The following SORCS3 variants were observed in gnomAD, a reference collection of about 807,000 sequenced individuals.
SORCS3 encodes the protein VPS10 domain-containing receptor SorCS3.
In SORCS3, 57 loss-of-function variants were observed where a neutral mutation model predicts 146.3. The ratio of observed to expected loss-of-function variants is 0.39; its 90% confidence interval spans 0.31 to 0.49. SORCS3 has a LOEUF of 0.49. Among genes scored for constraint, SORCS3 ranks in the 20% least tolerant of loss-of-function variants. The pLI is 0.92. For missense variants in SORCS3, 1,341 were observed against 1,575.5 expected (o/e 0.85, Z 2.52); for synonymous variants, 653 against 618.5 (o/e 1.06, Z -0.83).
chr10:104,928,288 C>T (rs1400188394), intron 3 of SORCS3, among the ~76,000 whole-genome samples: 2 of 152,120 alleles, frequency 1.3e-5, no homozygotes, highest in Non-Finnish European at 2.9e-5. Context: ...TGATGAGATG[C>T]CTGTGTTAAG....
At chr10:104,831,881 G>C (rs982945396) in intron 1 of SORCS3, among the ~76,000 whole-genome samples, 2 of 152,180 alleles carry the variant, frequency 1.3e-5, no homozygotes, top group African/African-American at 4.8e-5. Flanking sequence ...AGGGAATCCT[G>C]CATTCTCACT....
chr10:105,089,777 C>T lies in SORCS3; in HGVS notation c.1031C>T (p.Ser344Leu), dbSNP rs267602357. 3.7e-6 allele frequency: 6 copies of T among 1,613,764 alleles called. No individual in the cohort carries two copies. The highest frequency in any genetic ancestry group is 5.1e-6 in the Non-Finnish European group (6 of 1,179,848). Residue 344 changes from serine to leucine, a missense_variant and splice_region_variant, in exon 6 of 27, where the codon TCG becomes TTG. Coordinates refer to ENST00000369701, the MANE Select transcript of SORCS3 (RefSeq NM_014978.3). ...CTGTCTCTCCCTTCCTTTCCCAGGTCGGTGGCCGGATTGGATAAGGAGGCG... is the reference window on the plus strand; with the variant it reads ...CTGTCTCTCCCTTCCTTTCCCAGGTTGGTGGCCGGATTGGATAAGGAGGCG... ...ERITPNRFYWSVAGLDKEADL... is the reference protein window; with the variant it reads ...ERITPNRFYWLVAGLDKEADL...
intron 1 of SORCS3, among the ~76,000 whole-genome samples, chr10:104,775,628 A>G (rs1282279545): frequency 2.0e-5 from 3 of 152,194 alleles, no homozygotes; most frequent in Admixed American, 6.5e-5. Context: ...GCCGTTCTAT[A>G]AAGACAGAAT....
chr10:104,887,817 C>T (rs1589536822), intron 2 of SORCS3, among the ~76,000 whole-genome samples: 1 of 152,344 alleles, frequency 6.6e-6, no homozygotes, highest in African/African-American at 2.4e-5. Context: ...AGTTCTGTAT[C>T]TGTCATACAT....
chr10:104,981,968 G>T (rs2054934081), intron 4 of SORCS3, among the ~76,000 whole-genome samples: 1 of 152,166 alleles, frequency 6.6e-6, no homozygotes, highest in Non-Finnish European at 1.5e-5. Flanking sequence ...CAGTGGTCTA[G>T]AATTGCCCAT....
intron 1 of SORCS3, chr10:104,666,044 T>C (rs1214133376): frequency 2.0e-5 from 3 of 152,298 alleles, no homozygotes; most frequent in South Asian, 2.1e-4. Context: ...CGAAAAACAA[T>C]TCTTGTCTTG....
chr10:104,708,929 G>A (rs1225645904), intron 1 of SORCS3, among the ~76,000 whole-genome samples: 1 of 152,192 alleles, frequency 6.6e-6, no homozygotes, highest in Non-Finnish European at 1.5e-5. Flanking sequence ...AGGGAAAGTG[G>A]CAAGAGGGCT....
intron 1 of SORCS3, among the ~76,000 whole-genome samples, chr10:104,726,642 T>C (rs371631215): frequency 4.5e-4 from 68 of 152,094 alleles, no homozygotes; most frequent in African/African-American, 1.4e-3. Flanking sequence ...GTTTGCTCAA[T>C]TGCTGTTCCA....
chr10:105,021,111 T>A (rs2055195080), intron 4 of SORCS3, among the ~76,000 whole-genome samples: 1 of 152,168 alleles, frequency 6.6e-6, no homozygotes, highest in African/African-American at 2.4e-5. Flanking sequence ...TATGTACACT[T>A]TCTTAGTTTG....
At chr10:105,144,433 A>C (rs769693346) in intron 8 of SORCS3, among the ~76,000 whole-genome samples, 2 of 152,174 alleles carry the variant, frequency 1.3e-5, no homozygotes, top group Non-Finnish European at 2.9e-5. Context: ...TATTTATATA[A>C]TGAATAAAGT....
At chr10:104,985,227 T>G (rs945687468) in intron 4 of SORCS3, among the ~76,000 whole-genome samples, 3 of 152,166 alleles carry the variant, frequency 2.0e-5, no homozygotes, top group Non-Finnish European at 4.4e-5. Context: ...TTAAAATTCT[T>G]TCTTGTCATT....
At chr10:105,068,936 T>A (rs927840183) in intron 5 of SORCS3, among the ~76,000 whole-genome samples, 1 of 152,212 alleles carries the variant, frequency 6.6e-6, no homozygotes, top group Non-Finnish European at 1.5e-5. Context: ...CTATGCAGGA[T>A]TTCATTAAAG....
chr10:104,902,039 A>G (rs2018855999), intron 2 of SORCS3, among the ~76,000 whole-genome samples: 1 of 152,148 alleles, frequency 6.6e-6, no homozygotes, highest in Non-Finnish European at 1.5e-5. Flanking sequence ...GACTTTTGAG[A>G]TCATTGATTC....
chr10:105,118,545 G>A (rs1284447244), intron 7 of SORCS3, among the ~76,000 whole-genome samples: 2 of 152,308 alleles, frequency 1.3e-5, no homozygotes, highest in South Asian at 2.1e-4. Context: ...AACAGGCAGA[G>A]GTTGGAACAG....
intron 21 of SORCS3, 81 bp from the exon 22 acceptor site, chr10:105,247,138 G>T: frequency 1.6e-6 from 1 of 637,912 alleles, no homozygotes. Flanking sequence ...CAAAAGCACA[G>T]TGATGGTGGA....
chr10:104,706,201 C>CTTTTTTTTTTTTT (rs1162969172), intron 1 of SORCS3, among the ~76,000 whole-genome samples: 7 of 85,874 alleles, frequency 8.2e-5, no homozygotes, highest in South Asian at 4.4e-4. Context: ...TTTTCTTCTT[C>CTTTTTTTTTTTTT]TTTTTTTTTT....
chr10:105,253,522 G>C (rs1229947853), intron 23 of SORCS3, among the ~76,000 whole-genome samples: 1 of 152,228 alleles, frequency 6.6e-6, no homozygotes, highest in Non-Finnish European at 1.5e-5. Context: ...GGGATGGCAG[G>C]ACTGGTGTTT....
At chr10:105,045,021 G>GAAAAAAAAAAAAA (rs35904016) in intron 5 of SORCS3, among the ~76,000 whole-genome samples, 4 of 118,008 alleles carry the variant, frequency 3.4e-5, no homozygotes, top group African/African-American at 1.0e-4. Flanking sequence ...TCCAGAATTC[G>GAAAAAAAAAAAAA]AAAAAAAAAA....
intron 21 of SORCS3, among the ~76,000 whole-genome samples, chr10:105,246,636 T>C (rs189163093): frequency 6.6e-6 from 1 of 152,284 alleles, no homozygotes; most frequent in African/African-American, 2.4e-5. Context: ...ACATGGAAGG[T>C]TTGTGTGTTT....
Sources: allele counts gnomAD v4.1 joint callset (sites outside exome capture counted in the v4.1 genomes callset), GRCh38; gene constraint gnomAD v4.1.1; transcripts MANE v1.5; gene names NCBI Gene and HGNC (gene_info 2026-07-23, HGNC 2026-07-21).